The following THSD7B variants were observed in gnomAD, a reference collection of about 807,000 sequenced individuals.
The protein encoded by THSD7B is thrombospondin type 1 domain containing 7B.
In THSD7B, 138 loss-of-function variants were observed where a neutral mutation model predicts 213.6. The observed-to-expected ratio is 0.65, with a 90% CI of 0.56 to 0.74. The LOEUF (loss-of-function observed/expected upper bound fraction) is 0.74, where lower values mean the gene tolerates loss of function less well. Ranked by LOEUF, THSD7B falls within the 30% of genes least tolerant of loss-of-function variation. The pLI, the probability that THSD7B is intolerant of heterozygous loss-of-function variation, is 0.00. For synonymous variants in THSD7B, 742 were observed against 687.0 expected, an observed-to-expected ratio of 1.08 and a Z score of -1.25; for missense variants, 1,931 against 1,991.5, an observed-to-expected ratio of 0.97 and a Z score of 0.58.
chr2:137,669,007 A>G lies in THSD7B; in HGVS notation c.4739+1146A>G, dbSNP rs953451393. Among the ~76,000 whole-genome samples the G allele has an allele frequency of 3.3e-5, 5 of 152,118 alleles. No individual in the cohort carries two copies. In the East Asian group the frequency reaches 7.7e-4, roughly 23 times the overall value. ...TCAAACCTGTGTTGTTCAAGGGTCAACTGTAGATTTTAATGTTTTCAAGTG... is the reference window on the plus strand; with the variant it reads ...TCAAACCTGTGTTGTTCAAGGGTCAGCTGTAGATTTTAATGTTTTCAAGTG... On this transcript the variant is annotated intron_variant, in intron 27 of 27. Transcript: ENST00000409968.
intron 12 of THSD7B, among the ~76,000 whole-genome samples, chr2:137,397,540 A>G (rs1231169752): frequency 6.6e-6 from 1 of 151,556 alleles, no homozygotes; most frequent in Non-Finnish European, 1.5e-5. Context: ...ATCCGCTGTT[A>G]GTCTGATGGG....
chr2:137,220,949 T>A (rs112529028), intron 7 of THSD7B, among the ~76,000 whole-genome samples: 7 of 152,244 alleles, frequency 4.6e-5, no homozygotes, highest in South Asian at 2.1e-4. Flanking sequence ...GCATCATTTT[T>A]TATATATATG....
At chr2:137,226,104 C>T (rs1473863792) in intron 7 of THSD7B, among the ~76,000 whole-genome samples, 1 of 151,878 alleles carries the variant, frequency 6.6e-6, no homozygotes, top group East Asian at 1.9e-4. Flanking sequence ...AGCATTTAAT[C>T]AAGGTTTATT....
At position 137,616,468 on chromosome 2, in the gene THSD7B, C is replaced by A. The variant is rs141017277; in HGVS notation, c.3565+152C>A. Among the ~76,000 whole-genome samples the A allele has an allele frequency of 1.2e-3, 182 of 152,142 alleles. 1 individual carries two copies. The highest frequency in any genetic ancestry group is 4.2e-3 in the African/African-American group (176 of 41,476). ...CTGAGGACTTCATGTTTCTAGTATC[C>A]CCTCACAGAAAGAAATGCCCACTCT... On this transcript the variant is annotated intron_variant, in intron 18 of 27. Transcript: ENST00000409968.
rs1688015221 is a variant in THSD7B at position 137,094,997 on chromosome 2, C to T, written c.1075C>T (p.Pro359Ser). ...GACATGCCGTTCAGGGAGTCTCTTG[C>T]CAGGATTTAGGAGCAGGAGCCGGAA... ...SKTCRSGSLL[P>S]GFRSRSRNVK... is the part of the protein sequence containing the mutation. The change falls in exon 4 of 28, where the codon CCA becomes TCA. Residue 359 changes from proline to serine, a missense_variant. Transcript: ENST00000409968. The T allele has an allele frequency of 1.9e-6, 3 of 1,613,808 alleles. No homozygotes were observed. Among genetic ancestry groups the T allele is most frequent in the Non-Finnish European group, 2.5e-6 (3 of 1,179,868 alleles).
At chr2:137,250,024 G>A (rs1050045352) in intron 10 of THSD7B, among the ~76,000 whole-genome samples, 2 of 152,174 alleles carry the variant, frequency 1.3e-5, no homozygotes, top group African/African-American at 4.8e-5. Context: ...TGGCCTCAAA[G>A]GAGCAAAGAC....
intron 14 of THSD7B, among the ~76,000 whole-genome samples, chr2:137,414,579 A>G (rs1208323061): frequency 1.3e-5 from 2 of 151,986 alleles, no homozygotes; most frequent in Non-Finnish European, 1.5e-5. Context: ...TTAGCCAGGC[A>G]TGGTAGCATG....
At chr2:136,813,432 T>G (rs549865552) in intron 1 of THSD7B, among the ~76,000 whole-genome samples, 1 of 152,286 alleles carries the variant, frequency 6.6e-6, no homozygotes, top group South Asian at 2.1e-4. Context: ...GAAGGAAAAA[T>G]GGAGCGCCTG....
chr2:137,258,932 G>A (rs576428780), intron 10 of THSD7B, among the ~76,000 whole-genome samples: 65 of 152,002 alleles, frequency 4.3e-4, no homozygotes, highest in African/African-American at 1.4e-3. Context: ...GAGAACATGC[G>A]GTGTTTGGTC....
intron 14 of THSD7B, among the ~76,000 whole-genome samples, chr2:137,433,020 C>G (rs1016341956): frequency 1.3e-5 from 2 of 152,122 alleles, no homozygotes; most frequent in African/African-American, 4.8e-5. Flanking sequence ...ATGCCAAAAC[C>G]TCTGCTATAC....
At chr2:137,040,316 A>G (rs918514106) in intron 2 of THSD7B, among the ~76,000 whole-genome samples, 2 of 151,810 alleles carry the variant, frequency 1.3e-5, no homozygotes, top group African/African-American at 4.8e-5. Context: ...CTCTTCCTCT[A>G]GGTGGAAGCT....
chr2:136,957,455 T>A (rs1685146320), intron 2 of THSD7B, among the ~76,000 whole-genome samples: 2 of 151,596 alleles, frequency 1.3e-5, no homozygotes, highest in Non-Finnish European at 2.9e-5. Context: ...TTTTTTTTCT[T>A]GCTTTGATTA....
At chr2:137,196,711 T>C (rs1680772975) in intron 7 of THSD7B, among the ~76,000 whole-genome samples, 1 of 152,150 alleles carries the variant, frequency 6.6e-6, no homozygotes, top group South Asian at 2.1e-4. Context: ...ATTAAAAATA[T>C]TGTATACAAT....
At chr2:137,573,983 G>A (rs944054382) in intron 17 of THSD7B, among the ~76,000 whole-genome samples, 1 of 152,000 alleles carries the variant, frequency 6.6e-6, no homozygotes, top group African/African-American at 2.4e-5. Context: ...ATTATTCCAT[G>A]AGTGAGTATT....
Position 137,205,742 on chromosome 2 carries a change from T to C in THSD7B, c.1724-25302T>C, listed in dbSNP as rs567109621. Among the ~76,000 whole-genome samples the C allele has an allele frequency of 1.6e-4, 25 of 152,178 alleles. No individual in the cohort carries two copies. The South Asian group carries it at 5.2e-3, about 32-fold the overall frequency. On this transcript the variant is annotated intron_variant, in intron 7 of 27. Transcript: ENST00000409968. ...TCTCAGCTCCTCAAGAGCTCTACTTTTGAATTTAAATATTTGTTACTTTTA... is the reference window on the plus strand; with the variant it reads ...TCTCAGCTCCTCAAGAGCTCTACTTCTGAATTTAAATATTTGTTACTTTTA...
chr2:137,025,367 T>C (rs1384631801), intron 2 of THSD7B, among the ~76,000 whole-genome samples: 4 of 152,166 alleles, frequency 2.6e-5, no homozygotes, highest in Admixed American at 2.6e-4. Context: ...CTGATCTTCC[T>C]ATTTCAGTGC....
chr2:137,357,222 A>C (rs1685152873), intron 12 of THSD7B, among the ~76,000 whole-genome samples: 1 of 152,166 alleles, frequency 6.6e-6, no homozygotes, highest in Non-Finnish European at 1.5e-5. Context: ...AACGAATTAA[A>C]TTGATACTTA....
chr2:137,445,803 G>A (rs915042619), intron 14 of THSD7B, among the ~76,000 whole-genome samples: 7 of 151,846 alleles, frequency 4.6e-5, no homozygotes, highest in Non-Finnish European at 7.4e-5. Flanking sequence ...TGTGGTGATG[G>A]ATAGCCCAGT....
At chr2:136,826,875 C>T (rs1682653413) in intron 1 of THSD7B, among the ~76,000 whole-genome samples, 1 of 152,162 alleles carries the variant, frequency 6.6e-6, no homozygotes, top group Non-Finnish European at 1.5e-5. Flanking sequence ...TTAGCAATAG[C>T]ATTGAGCATA....
Sources: gnomAD v4.1 joint callset for allele counts (sites outside exome capture counted in the v4.1 genomes callset) on GRCh38, gnomAD v4.1.1 for gene constraint, MANE v1.5 for transcripts, NCBI Gene and HGNC (gene_info 2026-07-23, HGNC 2026-07-21) for gene names.